ZNF804B: variants seen among roughly 807,000 people sequenced by gnomAD.
ZNF804B encodes zinc finger protein 804B, also known as zinc finger 804B.
Under a neutral mutation model 101.4 loss-of-function variants are expected in ZNF804B, and 80 were observed. That is an observed-to-expected ratio of 0.79 (90% confidence interval 0.66 to 0.95). The LOEUF (loss-of-function observed/expected upper bound fraction) is 0.95. ZNF804B is among the 40% of genes least tolerant of loss of function. ZNF804B has a pLI of 0.00. For synonymous variants in ZNF804B, 622 were observed against 558.8 expected (o/e 1.11, Z -1.59); for missense variants, 1,673 against 1,561.9 (o/e 1.07, Z -1.20).
At chr7:88,846,774 T>A (rs567516401) in intron 1 of ZNF804B, among the ~76,000 whole-genome samples, 1 of 149,998 alleles carries the variant, frequency 6.7e-6, no homozygotes, top group African/African-American at 2.5e-5. Context: ...TGTGAGACTA[T>A]CATATATATG....
intron 1 of ZNF804B, among the ~76,000 whole-genome samples, chr7:89,187,237 A>C (rs1788387955): frequency 6.6e-6 from 1 of 152,148 alleles, no homozygotes; most frequent in Non-Finnish European, 1.5e-5. Context: ...CTCAGTTTCC[A>C]AATCTTTTTC....
At position 88,879,452 on chromosome 7, in the gene ZNF804B, G is replaced by A. The variant is rs1197479607; in HGVS notation, c.108+119368G>A. Among the ~76,000 whole-genome samples the A allele has an allele frequency of 2.0e-5, 3 of 152,170 alleles. No homozygotes were observed. In the East Asian group the frequency reaches 5.8e-4, roughly 29 times the overall value. On this transcript the variant is annotated intron_variant, in intron 1 of 3. Transcript: ENST00000333190. ...AAAATATTGTCTATAACACTTATGGGAAGCACAGATAATGTGAAGAAGTAT... is the reference window on the plus strand; with the variant it reads ...AAAATATTGTCTATAACACTTATGGAAAGCACAGATAATGTGAAGAAGTAT...
At chr7:88,797,886 A>G (rs1317241265) in intron 1 of ZNF804B, among the ~76,000 whole-genome samples, 2 of 152,132 alleles carry the variant, frequency 1.3e-5, no homozygotes, top group African/African-American at 4.8e-5. Context: ...GTGATGTACT[A>G]TCAAGTTTTG....
chr7:89,057,339 C>T (rs1407955306), intron 1 of ZNF804B, among the ~76,000 whole-genome samples: 1 of 151,904 alleles, frequency 6.6e-6, no homozygotes, highest in Non-Finnish European at 1.5e-5. Context: ...TATTTCTGTC[C>T]AGAAAGTGGC....
chr7:89,320,880 A>T (rs1790807827), intron 2 of ZNF804B, among the ~76,000 whole-genome samples: 2 of 152,162 alleles, frequency 1.3e-5, no homozygotes, highest in South Asian at 4.1e-4. Flanking sequence ...ATTAAAAAAG[A>T]AACTAGAAAT....
chr7:88,943,204 G>A (rs1444336696), intron 1 of ZNF804B, among the ~76,000 whole-genome samples: 3 of 151,852 alleles, frequency 2.0e-5, no homozygotes, highest in Non-Finnish European at 4.4e-5. Context: ...TACAGAAAAG[G>A]TATTTCTCTA....
intron 2 of ZNF804B, among the ~76,000 whole-genome samples, chr7:89,301,694 T>A (rs1379768905): frequency 6.6e-6 from 1 of 151,830 alleles, no homozygotes. Flanking sequence ...GAGCTTGGAA[T>A]GAGAGTAATG....
intron 3 of ZNF804B, 87 bp from the exon 4 acceptor site, chr7:89,333,276 C>T (rs922617051): frequency 2.4e-6 from 3 of 1,264,344 alleles, no homozygotes; most frequent in African/African-American, 1.5e-5. Context: ...TAAAATAACT[C>T]ATCTTAGAAA....
At chr7:89,315,149 C>T (rs1257468508) in intron 2 of ZNF804B, among the ~76,000 whole-genome samples, 1 of 151,970 alleles carries the variant, frequency 6.6e-6, no homozygotes. Context: ...ATGGTGAGAG[C>T]GAGAGCAAGG....
At chr7:89,265,293 TGCGCGTGCGC>T (rs959040392) in intron 2 of ZNF804B, among the ~76,000 whole-genome samples, 33 of 120,606 alleles carry the variant, frequency 2.7e-4, no homozygotes, top group African/African-American at 1.0e-3. Flanking sequence ...TGTGTGTGTG[TGCGCGTGCGC>T]GCGCGCACAC....
chr7:88,877,023 TATAATATATATATATATATATATATA>T, intron 1 of ZNF804B, among the ~76,000 whole-genome samples: 1 of 72,866 alleles, frequency 1.4e-5, no homozygotes, highest in Non-Finnish European at 2.3e-5. Context: ...TATATATATA[TATAATATATATATATATATATATATA>T]TTTTTTTTTT....
intron 2 of ZNF804B, among the ~76,000 whole-genome samples, chr7:89,228,022 G>A (rs1789121618): frequency 1.3e-5 from 2 of 152,138 alleles, no homozygotes; most frequent in Non-Finnish European, 2.9e-5. Context: ...AGAATTGGCG[G>A]GTTCTTGGTC....
At chr7:88,998,821 A>G (rs1788240442) in intron 1 of ZNF804B, among the ~76,000 whole-genome samples, 1 of 152,040 alleles carries the variant, frequency 6.6e-6, no homozygotes, top group Non-Finnish European at 1.5e-5. Flanking sequence ...GCAGAGTCCT[A>G]ATGCACAAAG....
intron 1 of ZNF804B, among the ~76,000 whole-genome samples, chr7:88,778,130 T>C (rs1051227043): frequency 3.9e-5 from 6 of 152,168 alleles, no homozygotes; most frequent in African/African-American, 1.4e-4. Flanking sequence ...TGCCCTGCTT[T>C]CTACAGGTAT....
intron 2 of ZNF804B, among the ~76,000 whole-genome samples, chr7:89,265,177 A>G (rs1305947518): frequency 6.6e-6 from 1 of 152,214 alleles, no homozygotes; most frequent in East Asian, 1.9e-4. Flanking sequence ...TTGATGATAG[A>G]TGAAATGGCA....
rs55841922 is a variant in ZNF804B, at chr7:88,857,822, C to CTTTTTTTTTTTTTTTTT, written c.108+97751_108+97767dup. Among the ~76,000 whole-genome samples the CTTTTTTTTTTTTTTTTT allele has an allele frequency of 1.4e-3, 118 of 81,472 alleles. 14 individuals are homozygous for CTTTTTTTTTTTTTTTTT. Among genetic ancestry groups the CTTTTTTTTTTTTTTTTT allele is most frequent in the African/African-American group, 5.3e-3 (100 of 18,868 alleles). 53.4% of individuals were successfully genotyped at this position (81,472 alleles called of 152,430 possible). ...CTTTCTTTCTCCTTTCCTTTCTTTT[C>CTTTTTTTTTTTTTTTTT]TTTTTTTTTTTTTTTTTTTTTTTTT... On this transcript the variant is annotated intron_variant, in intron 1 of 3. Transcript: ENST00000333190.
At chr7:88,914,592 G>A (rs1458539557) in intron 1 of ZNF804B, among the ~76,000 whole-genome samples, 1 of 152,030 alleles carries the variant, frequency 6.6e-6, no homozygotes. Context: ...ATAATGGCCA[G>A]AAAATGTTCA....
At chr7:89,079,643 A>T (rs375651122) in intron 1 of ZNF804B, among the ~76,000 whole-genome samples, 2 of 152,078 alleles carry the variant, frequency 1.3e-5, no homozygotes, top group African/African-American at 4.8e-5. Context: ...TGAAATTTAG[A>T]TAATAAGTGT....
intron 1 of ZNF804B, among the ~76,000 whole-genome samples, chr7:89,095,886 T>G (rs1308135764): frequency 1.3e-5 from 2 of 152,102 alleles, no homozygotes; most frequent in Non-Finnish European, 2.9e-5. Context: ...GAAAATCAAC[T>G]CACGCCTGTA....
Sources: gnomAD v4.1 joint callset for allele counts (sites outside exome capture counted in the v4.1 genomes callset) on GRCh38, gnomAD v4.1.1 for gene constraint, MANE v1.5 for transcripts, NCBI Gene and HGNC (gene_info 2026-07-23, HGNC 2026-07-21) for gene names.